The following PALS2 variants were observed in gnomAD, a reference collection of about 807,000 sequenced individuals.
PALS2 encodes protein associated with LIN7 2, MAGUK p55 family member.
A neutral mutation model predicts 61.6 loss-of-function variants in PALS2; 27 were observed. The ratio of observed to expected loss-of-function variants is 0.44; its 90% CI spans 0.32 to 0.60. The LOEUF (loss-of-function observed/expected upper bound fraction) is 0.60. PALS2 is among the 20% of genes least tolerant of loss of function. The pLI, the probability that PALS2 is intolerant of heterozygous loss-of-function variation, is 0.05. For synonymous variants in PALS2, 236 were observed against 218.6 expected (o/e 1.08, Z -0.70); for missense variants, 554 against 639.4 (o/e 0.87, Z 1.44).
Position 24,665,683 on chromosome 7 carries a change from T to G in PALS2, c.879T>G (p.Asn293Lys). Residue 293 changes from asparagine to lysine, a missense_variant, in exon 7 of 12, where the codon AAT (asparagine) becomes AAG (lysine). Coordinates refer to ENST00000222644, the MANE Select transcript of PALS2 (RefSeq NM_001303037.2). ...RKAFVRRDWDNSGPFCGTISS... is the reference protein window; with the variant it reads ...RKAFVRRDWDKSGPFCGTISS... ...CATTTGTTAGAAGAGACTGGGACAATTCAGGTGATGAGCTCGACACAATAA... is the reference window on the plus strand; with the variant it reads ...CATTTGTTAGAAGAGACTGGGACAAGTCAGGTGATGAGCTCGACACAATAA... 6.2e-7 allele frequency: 1 copy of G among 1,613,040 alleles called. No individual in the cohort carries two copies. The highest frequency in any genetic ancestry group is 1.7e-5 in the Admixed American group (1 of 59,984).
At position 24,653,814 on chromosome 7, in the gene PALS2, G is replaced by A. The variant is rs143801981; in HGVS notation, c.651+3102G>A. Reference sequence around the variant, plus strand: ...CCAGTGTTCAGACATCTCTAGCAGCGAACACTTTGACCATTACCAGACATG... The same window carrying A: ...CCAGTGTTCAGACATCTCTAGCAGCAAACACTTTGACCATTACCAGACATG... On this transcript the variant is annotated intron_variant, in intron 5 of 11. Coordinates refer to ENST00000222644, the MANE Select transcript of PALS2 (RefSeq NM_001303037.2). 1.7e-4 allele frequency among the ~76,000 whole-genome samples: 26 copies of A among 152,252 alleles called. No individual in the cohort carries two copies. The East Asian group carries it at 4.2e-3, about 25-fold the overall frequency.
chr7:24,673,117 C>A (rs547324288), intron 9 of PALS2, among the ~76,000 whole-genome samples: 1 of 152,262 alleles, frequency 6.6e-6, no homozygotes, highest in African/African-American at 2.4e-5. Flanking sequence ...AGAAAGGGTA[C>A]TAGATCTTGC....
intron 9 of PALS2, chr7:24,674,694 A>G (rs1315721898): frequency 1.3e-5 from 2 of 152,094 alleles, no homozygotes; most frequent in Non-Finnish European, 2.9e-5. Flanking sequence ...CTTATTTTCC[A>G]TATATTTTTG....
At chr7:24,676,826 T>A (rs1412568548) in intron 9 of PALS2, among the ~76,000 whole-genome samples, 4 of 151,284 alleles carry the variant, frequency 2.6e-5, no homozygotes, top group Middle Eastern at 3.4e-3. Context: ...TCCAGCTTTG[T>A]TCTTTTGGCT....
At chr7:24,653,830 A>G (rs1786282323) in intron 5 of PALS2, among the ~76,000 whole-genome samples, 1 of 152,180 alleles carries the variant, frequency 6.6e-6, no homozygotes, top group African/African-American at 2.4e-5. Context: ...TTTGACCATT[A>G]CCAGACATGC....
chr7:24,623,780 C>T lies in PALS2; in HGVS notation c.113C>T (p.Ala38Val). The change falls in exon 2 of 12, where the codon GCT (alanine) becomes GTT (valine). Residue 38 changes from alanine to valine, a missense_variant. Coordinates refer to ENST00000222644, the MANE Select transcript of PALS2 (RefSeq NM_001303037.2). The stretch of plus-strand genomic sequence containing the variant: ...GAGAATCCTATTGTAAAATCACTTG[C>T]TAAGGTATATAGATTTATTCATAAG... ...IMENPIVKSL[A>V]KAHERLEDSK... The T allele has an allele frequency of 1.3e-6, 2 of 1,533,250 alleles. No homozygotes were observed. The highest frequency in any genetic ancestry group is 1.8e-6 in the Non-Finnish European group (2 of 1,119,376). The allele number at this position is 1,533,250 out of a possible 1,614,324, so 95.0% of individuals were successfully genotyped here.
At chr7:24,631,412 G>C (rs1050982151) in intron 2 of PALS2, among the ~76,000 whole-genome samples, 1 of 152,194 alleles carries the variant, frequency 6.6e-6, no homozygotes, top group African/African-American at 2.4e-5. Flanking sequence ...AACTTGAACA[G>C]ATAAGGAGTT....
intron 3 of PALS2, among the ~76,000 whole-genome samples, chr7:24,643,895 G>A (rs1276784646): frequency 6.6e-6 from 1 of 152,128 alleles, no homozygotes; most frequent in Non-Finnish European, 1.5e-5. Context: ...TAGAAGATGT[G>A]TAATACCTTT....
At chr7:24,637,913 A>G (rs1368490316) in intron 2 of PALS2, among the ~76,000 whole-genome samples, 2 of 152,184 alleles carry the variant, frequency 1.3e-5, no homozygotes, top group African/African-American at 4.8e-5. Flanking sequence ...GGCAAGTGAA[A>G]TATATTTTTA....
At chr7:24,653,115 A>G (rs1786245119) in intron 5 of PALS2, among the ~76,000 whole-genome samples, 1 of 152,164 alleles carries the variant, frequency 6.6e-6, no homozygotes, top group East Asian at 1.9e-4. Context: ...ATATTACAGG[A>G]CTGTTTCATT....
At chr7:24,577,516 C>A (rs1264209616) in intron 1 of PALS2, among the ~76,000 whole-genome samples, 3 of 151,556 alleles carry the variant, frequency 2.0e-5, no homozygotes, top group South Asian at 2.1e-4. Context: ...ATGATTTAAT[C>A]CCTCCTTCAC....
At chr7:24,653,515 C>T (rs1388867417) in intron 5 of PALS2, among the ~76,000 whole-genome samples, 4 of 152,086 alleles carry the variant, frequency 2.6e-5, no homozygotes, top group Non-Finnish European at 5.9e-5. Context: ...CCCCAATACC[C>T]CACGAAGTTT....
chr7:24,608,064 C>A (rs996158206), intron 1 of PALS2, among the ~76,000 whole-genome samples: 1 of 152,066 alleles, frequency 6.6e-6, no homozygotes, highest in Non-Finnish European at 1.5e-5. Context: ...CATACATACA[C>A]ATATTTATAT....
rs540825511 is a variant in PALS2 at position 24,603,240 on chromosome 7, T to C, written c.-2-20426T>C. Among the ~76,000 whole-genome samples the C allele has an allele frequency of 2.0e-5, 3 of 152,288 alleles. No homozygotes were observed. The East Asian group carries it at 5.8e-4, about 29-fold the overall frequency. ...GCCTGAATTAACTGAGACAGTGAGC[T>C]TAGGACTAGCTGAGAAAACCAGCAG... On this transcript the variant is annotated intron_variant, in intron 1 of 11. Coordinates refer to ENST00000222644, the MANE Select transcript of PALS2 (RefSeq NM_001303037.2).
At chr7:24,585,680 T>C (rs1232791557) in intron 1 of PALS2, among the ~76,000 whole-genome samples, 1 of 152,138 alleles carries the variant, frequency 6.6e-6, no homozygotes, top group African/African-American at 2.4e-5. Flanking sequence ...CAATTCTAGA[T>C]TGAAGACTGC....
At chr7:24,628,565 TC>T (rs1784850380) in intron 2 of PALS2, among the ~76,000 whole-genome samples, 1 of 152,104 alleles carries the variant, frequency 6.6e-6, no homozygotes, top group Admixed American at 6.5e-5. Context: ...TCAAATTATC[TC>T]TTTTTGCAGA....
At chr7:24,630,799 C>G (rs1784966946) in intron 2 of PALS2, among the ~76,000 whole-genome samples, 1 of 152,222 alleles carries the variant, frequency 6.6e-6, no homozygotes, top group Non-Finnish European at 1.5e-5. Flanking sequence ...CTAACTGGAA[C>G]AACAAAACCT....
At chr7:24,663,744 C>T in intron 6 of PALS2, 23 bp downstream of exon 6, 3 of 1,594,080 alleles carry the variant, frequency 1.9e-6, no homozygotes, top group Non-Finnish European at 2.6e-6. Context: ...CTCAGAAGTT[C>T]CTCAGCTACT....
At chr7:24,604,135 C>T (rs764553743) in intron 1 of PALS2, among the ~76,000 whole-genome samples, 9 of 149,038 alleles carry the variant, frequency 6.0e-5, no homozygotes, top group East Asian at 2.0e-4. Flanking sequence ...TACTTGAGCC[C>T]GGTAGTTCAA....
Sources: allele counts gnomAD v4.1 joint callset (sites outside exome capture counted in the v4.1 genomes callset), GRCh38; gene constraint gnomAD v4.1.1; transcripts MANE v1.5; gene names NCBI Gene and HGNC (gene_info 2026-07-23, HGNC 2026-07-21).